Variants in MBTD1 observed in about 807,000 individuals in gnomAD.
The protein encoded by MBTD1 is mbt domain containing 1, also known as MBT domain-containing protein 1.
Under a neutral mutation model 87.8 loss-of-function variants are expected in MBTD1, and 24 were observed. The observed-to-expected ratio is 0.27, with a 90% CI of 0.20 to 0.38. The LOEUF is 0.38. Ranked by LOEUF, MBTD1 falls within the 10% of genes least tolerant of loss-of-function variation. The pLI is 1.00. For synonymous variants in MBTD1, 237 were observed against 248.6 expected (o/e 0.95, Z 0.44); for missense variants, 436 against 760.2 (o/e 0.57, Z 5.02).
chr17:51,208,249 A>T (rs1381300947), intron 6 of MBTD1, among the ~76,000 whole-genome samples: 1 of 152,254 alleles, frequency 6.6e-6, no homozygotes, highest in Non-Finnish European at 1.5e-5. Flanking sequence ...GACAGAATCA[A>T]TTAATGGCTA....
upstream of MBTD1, chr17:51,260,822 C>T (rs754340223): frequency 9.4e-6 from 15 of 1,594,762 alleles, no homozygotes; most frequent in East Asian, 2.3e-5. Flanking sequence ...CCGCCTGAGG[C>T]TGGAGGAGGA....
chr17:51,184,916 T>G (rs536563185), intron 16 of MBTD1: 6 of 152,364 alleles, frequency 3.9e-5, no homozygotes, highest in Admixed American at 3.9e-4. Flanking sequence ...AATCCTAATT[T>G]GTTTTTCGTA....
intron 3 of MBTD1, among the ~76,000 whole-genome samples, chr17:51,224,494 A>G (rs1344439252): frequency 6.6e-6 from 1 of 152,262 alleles, no homozygotes; most frequent in East Asian, 1.9e-4. Context: ...TTTTGGTTCA[A>G]TAAAGACACT....
At chr17:51,257,422 A>G (rs1018187725) in intron 2 of MBTD1, among the ~76,000 whole-genome samples, 10 of 150,298 alleles carry the variant, frequency 6.7e-5, no homozygotes, top group Non-Finnish European at 1.0e-4. Flanking sequence ...ATTTATCCTA[A>G]TATGTTGTTT....
At chr17:51,215,220 T>G (rs2052496617) in intron 6 of MBTD1, among the ~76,000 whole-genome samples, 1 of 152,212 alleles carries the variant, frequency 6.6e-6, no homozygotes, top group African/African-American at 2.4e-5. Context: ...TCATTAATCA[T>G]GTGGTAAGGT....
intron 12 of MBTD1, among the ~76,000 whole-genome samples, chr17:51,195,970 C>A (rs1458877575): frequency 1.3e-5 from 2 of 152,268 alleles, no homozygotes; most frequent in East Asian, 3.9e-4. Context: ...TGCAATGGTG[C>A]GAACATGGCC....
chr17:51,208,868 C>A (rs902053374), intron 6 of MBTD1, among the ~76,000 whole-genome samples: 1 of 152,098 alleles, frequency 6.6e-6, no homozygotes, highest in African/African-American at 2.4e-5. Context: ...TGTCAATATG[C>A]TTGCTTAAAA....
chr17:51,231,468 A>G (rs1341151909), intron 2 of MBTD1, among the ~76,000 whole-genome samples: 1 of 152,194 alleles, frequency 6.6e-6, no homozygotes, highest in Admixed American at 6.5e-5. Context: ...ACCATGGTCA[A>G]AGATGTTTGG....
chr17:51,235,409 A>G (rs2053777143), intron 2 of MBTD1, among the ~76,000 whole-genome samples: 1 of 152,218 alleles, frequency 6.6e-6, no homozygotes, highest in African/African-American at 2.4e-5. Context: ...AAGTGCTGGA[A>G]TTACAGGTGT....
At chr17:51,229,486 C>T (rs546982811) in intron 2 of MBTD1, among the ~76,000 whole-genome samples, 2 of 152,232 alleles carry the variant, frequency 1.3e-5, no homozygotes, top group South Asian at 4.1e-4. Flanking sequence ...AGGTATTAAA[C>T]ATTTGCATTG....
At chr17:51,241,478 A>G (rs932210780) in intron 2 of MBTD1, among the ~76,000 whole-genome samples, 3 of 152,302 alleles carry the variant, frequency 2.0e-5, no homozygotes, top group Admixed American at 2.0e-4. Flanking sequence ...CATTCCCTGC[A>G]CGTTCACCAG....
Position 51,214,716 on chromosome 17 carries a change from C to T in MBTD1, c.486+2618G>A, listed in dbSNP as rs139517501. Among the ~76,000 whole-genome samples the T allele has an allele frequency of 5.9e-5, 9 of 152,128 alleles. No homozygotes were observed. In the East Asian group the frequency reaches 1.5e-3, roughly 26 times the overall value. ...TGTTTGAAAAAGAATCCCCTAGGAG[C>T]AGGAAAGGCTCCCGACTTGTACTCA... On this transcript the variant is annotated intron_variant, in intron 6 of 16. Coordinates refer to ENST00000586178, the MANE Select transcript of MBTD1 (RefSeq NM_017643.3).
intron 12 of MBTD1, 72 bp downstream of exon 12, chr17:51,201,519 TG>T: frequency 1.2e-6 from 1 of 866,516 alleles, no homozygotes; most frequent in Non-Finnish European, 1.9e-6. Flanking sequence ...CGAATATGCT[TG>T]GGGACTCCTT....
intron 6 of MBTD1, among the ~76,000 whole-genome samples, chr17:51,214,072 C>A (rs1254275046): frequency 6.6e-6 from 1 of 151,736 alleles, no homozygotes; most frequent in Non-Finnish European, 1.5e-5. Context: ...TATGTATAAA[C>A]ACACACATAT....
In MBTD1 at chr17:51,192,385, T is replaced by A. The variant is rs1015928949; in HGVS notation, c.1691-105A>T. The A allele has an allele frequency of 7.7e-6, 6 of 777,918 alleles. No homozygotes were observed. The East Asian group carries it at 1.6e-4, about 21-fold the overall frequency. The allele number at this position is 777,918 out of a possible 1,614,324, so 48.2% of individuals were successfully genotyped here. A position where few individuals can be genotyped will look rare whatever the true frequency, so the allele number is the denominator to read the frequency against. On this transcript the variant is annotated intron_variant, in intron 15 of 16. Transcript: ENST00000586178. ...TGAACTATCTTTACCAAGACCATTA[T>A]ACTTAAGTACATGATGCTCTGAAAA...
chr17:51,189,379 T>G (rs1049857917), intron 16 of MBTD1, among the ~76,000 whole-genome samples: 1 of 152,218 alleles, frequency 6.6e-6, no homozygotes, highest in Non-Finnish European at 1.5e-5. Context: ...TAGGAAATAG[T>G]GAAACATTAT....
In MBTD1 at chr17:51,225,130, T is replaced by C. The variant is rs1181689750; in HGVS notation, c.32A>G (p.Asp11Gly). Residue 11 changes from aspartate to glycine, a missense_variant, in exon 3 of 17, where the codon GAC (aspartate) becomes GGC (glycine). Transcript: ENST00000586178. The stretch of plus-strand genomic sequence containing the variant: ...TTCGGAGCTGGAGCTGCTGCTTGTG[T>C]CCTCACTGCAGCTATCATAACCGTC... MFDGYDSCSEDTSSSSSSEES... is the reference protein window; with the variant it reads MFDGYDSCSEGTSSSSSSEES... 1.9e-6 allele frequency: 3 copies of C among 1,550,944 alleles called. No homozygotes were observed. Among genetic ancestry groups the C allele is most frequent in the African/African-American group, 1.4e-5 (1 of 73,030 alleles).
chr17:51,238,742 A>T (rs1212848283), intron 2 of MBTD1, among the ~76,000 whole-genome samples: 1 of 152,214 alleles, frequency 6.6e-6, no homozygotes, highest in Non-Finnish European at 1.5e-5. Context: ...ACTGGCTGGG[A>T]AGCTGTAAAT....
chr17:51,233,893 G>A (rs1354558115), intron 2 of MBTD1, among the ~76,000 whole-genome samples: 1 of 151,936 alleles, frequency 6.6e-6, no homozygotes, highest in Non-Finnish European at 1.5e-5. Flanking sequence ...ACTGATCAAT[G>A]TATTGCCTTC....
Sources: gnomAD v4.1 joint callset for allele counts (sites outside exome capture counted in the v4.1 genomes callset) on GRCh38, gnomAD v4.1.1 for gene constraint, MANE v1.5 for transcripts, NCBI Gene and HGNC (gene_info 2026-07-23, HGNC 2026-07-21) for gene names.